Variants in SRI observed in about 807,000 individuals in gnomAD.
SRI encodes the protein 22 kDa protein.
A neutral mutation model predicts 33.3 loss-of-function variants in SRI; 30 were observed. The ratio of observed to expected loss-of-function variants is 0.90; its 90% CI spans 0.67 to 1.22. The LOEUF (loss-of-function observed/expected upper bound fraction) is 1.22, where lower values mean the gene tolerates loss of function less well. Among genes scored for constraint, SRI ranks in the 50% most tolerant of loss-of-function variants. The pLI is 0.00. For synonymous variants in SRI, 75 were observed against 89.9 expected (o/e 0.83, Z 0.94); for missense variants, 243 against 250.8 (o/e 0.97, Z 0.21).
At chr7:88,226,971 C>G (rs1852012170) in exon 1 of SRI, 1 of 1,611,006 alleles carries the variant, frequency 6.2e-7, no homozygotes, top group African/African-American at 1.3e-5. Flanking sequence ...TGCCTTCTTG[C>G]AGAGTGGCCA....
In SRI at chr7:88,210,075, A is replaced by G. The variant is rs1316533481; in HGVS notation, c.305T>C (p.Leu102Pro). The G allele has an allele frequency of 6.2e-7, 1 of 1,614,158 alleles. No homozygotes were observed. ...FNEFKELWAV[L>P]NGWRQHFISF... is the part of the protein sequence containing the mutation. ...GATAAAGTGTTGTCTCCAGCCATTC[A>G]GTACAGCCCAGAGTTCTTTAAATTC... Residue 102 changes from leucine (L) to proline (P), a missense_variant, in exon 5 of 8, where the codon CTG (leucine) becomes CCG (proline). Coordinates refer to ENST00000265729, the MANE Select transcript of SRI (RefSeq NM_003130.4).
intron 3 of SRI, among the ~76,000 whole-genome samples, chr7:88,213,443 G>A (rs1851629223): frequency 1.3e-5 from 2 of 152,146 alleles, no homozygotes; most frequent in African/African-American, 4.8e-5. Context: ...TGGGTCTTCT[G>A]CACATGCTGT....
chr7:88,212,269 C>T lies in SRI; in HGVS notation c.206-1344G>A, dbSNP rs151254286. 1.1e-4 allele frequency among the ~76,000 whole-genome samples: 16 copies of T among 152,286 alleles called. No individual in the cohort carries two copies. In the East Asian group the frequency reaches 2.7e-3, roughly 26 times the overall value. On this transcript the variant is annotated intron_variant, in intron 3 of 7. Coordinates refer to ENST00000265729, the MANE Select transcript of SRI (RefSeq NM_003130.4). ...GGAAATAAAAGACTAGTGACTATTT[C>T]TATTTTGGTCCTTCAATCTCCATTT...
chr7:88,214,894 C>G, intron 3 of SRI: 1 of 1,083,980 alleles, frequency 9.2e-7, no homozygotes, highest in Non-Finnish European at 1.2e-6. Context: ...GAAGGAAAGC[C>G]CTACCTCCAG....
upstream of SRI, among the ~76,000 whole-genome samples, chr7:88,222,515 G>A (rs1436289686): frequency 1.2e-4 from 18 of 151,360 alleles, no homozygotes; most frequent in Middle Eastern, 6.8e-3. Flanking sequence ...CATGTCCTTC[G>A]CCCACTTTTT....
intron 6 of SRI, chr7:88,208,976 C>A: frequency 3.8e-6 from 1 of 260,506 alleles, no homozygotes; most frequent in Non-Finnish European, 7.4e-6. Flanking sequence ...GTTTCTCTAC[C>A]ATTTCAGCTC....
intron 3 of SRI, chr7:88,216,821 C>G (rs1851730443): frequency 2.6e-6 from 1 of 386,130 alleles, no homozygotes; most frequent in African/African-American, 2.1e-5. Context: ...GTTGCTCAGG[C>G]TGGAGTGCAG....
chr7:88,224,767 G>C (rs1851960855), upstream of SRI, among the ~76,000 whole-genome samples: 1 of 152,166 alleles, frequency 6.6e-6, no homozygotes, highest in Admixed American at 6.5e-5. Context: ...CTTGCATGTA[G>C]AGTTTAACTG....
chr7:88,208,388 A>C, intron 7 of SRI, 119 bp downstream of exon 7: 1 of 1,455,802 alleles, frequency 6.9e-7, no homozygotes, highest in East Asian at 2.5e-5. Flanking sequence ...CTAACTTTTG[A>C]ATCCCTTATG....
intron 4 of SRI, chr7:88,210,446 C>T: frequency 2.4e-6 from 1 of 419,642 alleles, no homozygotes; most frequent in Non-Finnish European, 4.4e-6. Context: ...TCAGGCTATG[C>T]TGTTTGCCCT....
intron 4 of SRI, 73 bp from the exon 5 acceptor site, chr7:88,210,203 G>A: frequency 6.5e-7 from 1 of 1,527,096 alleles, no homozygotes. Flanking sequence ...TCAAGGATAA[G>A]GGGAATTCAA....
chr7:88,206,625 CTAAGATATGAGTA>C lies in SRI; in HGVS notation c.571-134_571-122del, dbSNP rs1291316433. Reference sequence around the variant, plus strand: ...CGGGTAAAACAACCCCTACAACTTTCTAAGATATGAGTAAATGATAGATGGAAAAGTTTCCTTT... The same window carrying C: ...CGGGTAAAACAACCCCTACAACTTTCAATGATAGATGGAAAAGTTTCCTTT... On this transcript the variant is annotated intron_variant, in intron 7 of 7. Coordinates refer to ENST00000265729, the MANE Select transcript of SRI (RefSeq NM_003130.4). The C allele has an allele frequency of 2.3e-5, 24 of 1,056,610 alleles. 1 individual carries two copies. The highest frequency in any genetic ancestry group is 2.1e-4 in the South Asian group (16 of 76,082). 65.5% of individuals were successfully genotyped at this position (1,056,610 alleles called of 1,614,324 possible).
In SRI at chr7:88,226,333, C is replaced by T. The variant is rs537071181; in HGVS notation, c.6+576G>A. 3.3e-5 allele frequency among the ~76,000 whole-genome samples: 5 copies of T among 152,232 alleles called. No individual in the cohort carries two copies. The East Asian group carries it at 5.8e-4, about 18-fold the overall frequency. On this transcript the variant is annotated intron_variant, in intron 1 of 7. Transcript: ENST00000394641. Reference sequence around the variant, plus strand: ...AGAGCAGGGTAGGAACCCAAGAGCACCTAGGGCTTGGTTATTGCCCATCCC... The same window carrying T: ...AGAGCAGGGTAGGAACCCAAGAGCATCTAGGGCTTGGTTATTGCCCATCCC...
chr7:88,210,693 A>G, intron 4 of SRI, 189 bp downstream of exon 4: 1 of 578,256 alleles, frequency 1.7e-6, no homozygotes, highest in Non-Finnish European at 3.1e-6. Flanking sequence ...CCTGAACAAC[A>G]TTCTGTTTAC....
chr7:88,210,501 G>GC (rs2115753178), intron 4 of SRI: 2 of 385,298 alleles, frequency 5.2e-6, no homozygotes, highest in Non-Finnish European at 9.7e-6. Flanking sequence ...CTTGTTTAGT[G>GC]CCCCCAGACA....
Position 88,206,398 on chromosome 7 carries a change from A to G in SRI, c.*80T>C, listed in dbSNP as rs529796614. The G allele has an allele frequency of 3.7e-5, 56 of 1,511,236 alleles. No homozygotes were observed. The South Asian group carries it at 5.4e-4, about 15-fold the overall frequency. 93.6% of individuals were successfully genotyped at this position (1,511,236 alleles called of 1,614,324 possible). ...AGAAAGTCGTGATGTAAGTTTATACATATTACCGAAGGCAAAGAGGACAAG... is the reference window on the plus strand; with the variant it reads ...AGAAAGTCGTGATGTAAGTTTATACGTATTACCGAAGGCAAAGAGGACAAG... On this transcript the variant is annotated 3_prime_UTR_variant, in exon 8 of 8. Coordinates refer to ENST00000265729, the MANE Select transcript of SRI (RefSeq NM_003130.4).
At chr7:88,217,940 G>A (rs1477675859) in intron 2 of SRI, among the ~76,000 whole-genome samples, 2 of 152,156 alleles carry the variant, frequency 1.3e-5, no homozygotes, top group African/African-American at 4.8e-5. Context: ...TTAAGGGGAA[G>A]GTCTTCCAGT....
intron 1 of SRI, 102 bp downstream of exon 1, chr7:88,219,874 G>T: frequency 2.1e-6 from 3 of 1,403,184 alleles, no homozygotes; most frequent in Non-Finnish European, 1.9e-6. Context: ...AGCCCGGGTA[G>T]CCGCCCAGCA....
intron 7 of SRI, among the ~76,000 whole-genome samples, chr7:88,207,020 C>T (rs1268413845): frequency 6.6e-6 from 1 of 152,122 alleles, no homozygotes; most frequent in Admixed American, 6.5e-5. Flanking sequence ...CCTTCAGATA[C>T]CTGAGATTAG....
Sources: allele counts gnomAD v4.1 joint callset (sites outside exome capture counted in the v4.1 genomes callset), GRCh38; gene constraint gnomAD v4.1.1; transcripts MANE v1.5; gene names NCBI Gene and HGNC (gene_info 2026-07-23, HGNC 2026-07-21).